PHACTR1: variants seen among roughly 807,000 people sequenced by gnomAD.
PHACTR1 encodes the protein phosphatase and actin regulator 1.
Under a neutral mutation model 69.2 loss-of-function variants are expected in PHACTR1, and 16 were observed. The ratio of observed to expected loss-of-function variants is 0.23; its 90% CI spans 0.16 to 0.35. The LOEUF (loss-of-function observed/expected upper bound fraction) is 0.35. Among genes scored for constraint, PHACTR1 ranks in the 10% least tolerant of loss-of-function variants. The pLI, the probability that PHACTR1 is intolerant of heterozygous loss-of-function variation, is 1.00. For missense variants in PHACTR1, 510 were observed against 734.7 expected, an observed-to-expected ratio of 0.69 and a Z score of 3.54; for synonymous variants, 312 against 284.5, an observed-to-expected ratio of 1.10 and a Z score of -0.97.
At chr6:13,049,912 G>A (rs1202674727) in intron 4 of PHACTR1, among the ~76,000 whole-genome samples, 1 of 152,186 alleles carries the variant, frequency 6.6e-6, no homozygotes, top group Non-Finnish European at 1.5e-5. Flanking sequence ...TTGAAGGCAG[G>A]AGAGTAAGTC....
intron 4 of PHACTR1, among the ~76,000 whole-genome samples, chr6:12,881,071 C>A (rs73726207): frequency 6.6e-6 from 1 of 152,148 alleles, no homozygotes; most frequent in East Asian, 1.9e-4. Context: ...GTGTAAAGTA[C>A]GAAGCACAGT....
intron 6 of PHACTR1, among the ~76,000 whole-genome samples, chr6:13,168,747 A>C (rs1760184527): frequency 2.0e-5 from 3 of 152,160 alleles, no homozygotes; most frequent in Non-Finnish European, 2.9e-5. Context: ...GGGTAAGGGA[A>C]TGTTACAAGC....
chr6:13,070,352 GCTAGTGCTTGAGTGCCCAC>G (rs1809315687), intron 5 of PHACTR1, among the ~76,000 whole-genome samples: 1 of 152,150 alleles, frequency 6.6e-6, no homozygotes, highest in South Asian at 2.1e-4. Flanking sequence ...AATGGTAATA[GCTAGTGCTTGAGTGCCCAC>G]CTGACAAGTG....
At chr6:13,146,525 C>T (rs1188612900) in intron 5 of PHACTR1, among the ~76,000 whole-genome samples, 1 of 152,206 alleles carries the variant, frequency 6.6e-6, no homozygotes, top group African/African-American at 2.4e-5. Context: ...GATTTCATTG[C>T]AGCAGGGTTG....
At chr6:13,052,096 GTCAC>G (rs1412721484) in intron 4 of PHACTR1, among the ~76,000 whole-genome samples, 1 of 152,116 alleles carries the variant, frequency 6.6e-6, no homozygotes, top group Non-Finnish European at 1.5e-5. Flanking sequence ...AGTCCTTCTG[GTCAC>G]TCAATCAGTC....
Position 12,957,667 on chromosome 6 carries a change from G to A in PHACTR1, c.251-95698G>A, listed in dbSNP as rs961091820. On this transcript the variant is annotated intron_variant, in intron 4 of 14. Transcript: ENST00000332995. ...ACTGTTCTGGGCTCTGAGTGAGGCT[G>A]GAGAGACCATCGTGGAGGCGGTTTT... 10 of 985,500 alleles carry A rather than the reference G, an allele frequency of 1.0e-5. No homozygotes were observed. The African/African-American group carries it at 1.7e-4, about 17-fold the overall frequency. The allele number at this position is 985,500 out of a possible 1,614,324, so 61.0% of individuals were successfully genotyped here.
At chr6:13,030,809 GA>G (rs1802355241) in intron 4 of PHACTR1, among the ~76,000 whole-genome samples, 1 of 152,228 alleles carries the variant, frequency 6.6e-6, no homozygotes, top group Non-Finnish European at 1.5e-5. Flanking sequence ...GGTGAAAGCA[GA>G]ACTCACTCAA....
At chr6:13,193,649 A>C (rs938454025) in intron 7 of PHACTR1, among the ~76,000 whole-genome samples, 1 of 148,730 alleles carries the variant, frequency 6.7e-6, no homozygotes, top group Admixed American at 6.7e-5. Context: ...CAGCCTCCCA[A>C]GTAACTGGGA....
At chr6:12,822,654 G>A (rs1776351091) in intron 4 of PHACTR1, among the ~76,000 whole-genome samples, 1 of 152,144 alleles carries the variant, frequency 6.6e-6, no homozygotes, top group Non-Finnish European at 1.5e-5. Flanking sequence ...TGGAGTTTGA[G>A]GGCAAGGGCA....
intron 4 of PHACTR1, among the ~76,000 whole-genome samples, chr6:12,985,353 G>C (rs987426592): frequency 2.0e-5 from 3 of 151,826 alleles, no homozygotes; most frequent in Non-Finnish European, 4.4e-5. Context: ...AGCAGGCATA[G>C]GTTTAAAATT....
intron 3 of PHACTR1, 77 bp from the exon 4 acceptor site, chr6:12,749,567 C>A: frequency 1.7e-6 from 1 of 572,436 alleles, no homozygotes; most frequent in Non-Finnish European, 3.1e-6. Flanking sequence ...CCCCCTCCCC[C>A]GTGCGCGAGC....
chr6:12,806,175 T>C (rs913483377), intron 4 of PHACTR1, among the ~76,000 whole-genome samples: 9 of 152,174 alleles, frequency 5.9e-5, no homozygotes, highest in African/African-American at 2.2e-4. Context: ...GCGATCCTCA[T>C]CTGCATTTCA....
At chr6:12,956,310 G>A (rs376906037) in intron 4 of PHACTR1, among the ~76,000 whole-genome samples, 6 of 152,298 alleles carry the variant, frequency 3.9e-5, no homozygotes, top group Non-Finnish European at 7.3e-5. Flanking sequence ...CTTGATCGTC[G>A]TATTGTGTGA....
intron 7 of PHACTR1, among the ~76,000 whole-genome samples, chr6:13,203,313 A>C (rs957667945): frequency 6.6e-6 from 1 of 152,172 alleles, no homozygotes; most frequent in Non-Finnish European, 1.5e-5. Flanking sequence ...CTTCTCCGGG[A>C]GAGGAGACAG....
chr6:12,779,988 G>C (rs1390122722), intron 4 of PHACTR1, among the ~76,000 whole-genome samples: 1 of 152,138 alleles, frequency 6.6e-6, no homozygotes, highest in Non-Finnish European at 1.5e-5. Context: ...CCTTGATGAG[G>C]TCCATGTGTG....
chr6:12,798,367 G>T (rs1773327033), intron 4 of PHACTR1, among the ~76,000 whole-genome samples: 1 of 151,692 alleles, frequency 6.6e-6, no homozygotes, highest in Admixed American at 6.6e-5. Context: ...GAGGGGTAGA[G>T]ATTACAACTG....
At chr6:12,724,620 T>C (rs1190267713) in intron 3 of PHACTR1, among the ~76,000 whole-genome samples, 3 of 152,194 alleles carry the variant, frequency 2.0e-5, no homozygotes, top group Non-Finnish European at 2.9e-5. Flanking sequence ...ACCTCTCATC[T>C]AGTTAGACTG....
At chr6:12,896,808 C>A (rs1692686675) in intron 4 of PHACTR1, among the ~76,000 whole-genome samples, 1 of 152,108 alleles carries the variant, frequency 6.6e-6, no homozygotes, top group Admixed American at 6.5e-5. Flanking sequence ...TTCTTTCTTG[C>A]CTTTTAAGTG....
intron 4 of PHACTR1, among the ~76,000 whole-genome samples, chr6:12,831,429 G>A (rs1777570139): frequency 6.6e-6 from 1 of 151,448 alleles, no homozygotes. Context: ...TAAGAGCAAG[G>A]GATGGGCTTA....
Sources: gnomAD v4.1 joint callset for allele counts (sites outside exome capture counted in the v4.1 genomes callset) on GRCh38, gnomAD v4.1.1 for gene constraint, MANE v1.5 for transcripts, NCBI Gene and HGNC (gene_info 2026-07-23, HGNC 2026-07-21) for gene names.